Variants in RBM12 observed in about 807,000 individuals in gnomAD.
RBM12 encodes RNA-binding protein 12.
A neutral mutation model predicts 37.2 loss-of-function variants in RBM12; 24 were observed. The observed-to-expected ratio is 0.65, with a 90% CI of 0.47 to 0.91. The LOEUF (loss-of-function observed/expected upper bound fraction) is 0.91. RBM12 is among the 40% of genes least tolerant of loss of function. RBM12 has a pLI of 0.00. For missense variants in RBM12, 1,061 were observed against 1,183.2 expected, an observed-to-expected ratio of 0.90 and a Z score of 1.52; for synonymous variants, 420 against 425.2, an observed-to-expected ratio of 0.99 and a Z score of 0.15.
Position 35,654,681 on chromosome 20 carries a change from T to C in RBM12, c.642A>G (p.Val214=), listed in dbSNP as rs776949054. 10 of 1,613,272 alleles carry C rather than the reference T, an allele frequency of 6.2e-6. No individual in the cohort carries two copies. In the Admixed American group the frequency reaches 1.7e-4, roughly 27 times the overall value. Residue 214 remains valine, a synonymous_variant, in exon 3 of 3, where the codon GTA becomes GTG. Coordinates refer to ENST00000374114, the MANE Select transcript of RBM12 (RefSeq NM_006047.6). ...SIPPIPVPPP[V]PTLPPVPPVP... ...CAGGAGGCACAGGAGGCAATGTAGG[T>C]ACTGGAGGAGGAACTGGAATTGGGG... is the stretch of plus-strand genomic sequence containing the variant.
Position 35,654,924 on chromosome 20 carries a change from T to A in RBM12, c.399A>T (p.Val133=), listed in dbSNP as rs1453255172. The change falls in exon 3 of 3, where the codon GTA becomes GTT. Residue 133 remains valine (V), a synonymous_variant. Transcript: ENST00000374114. The part of the protein sequence containing the change: ...VSNFNNPSPS[V]VTATTSVHES... ...CATGAACAGAAGTGGTGGCAGTAAC[T>A]ACACTGGGTGATGGATTATTAAAGT... The A allele has an allele frequency of 6.2e-7, 1 of 1,614,164 alleles. No homozygotes were observed. Among genetic ancestry groups the A allele is most frequent in the African/African-American group, 1.3e-5 (1 of 75,038 alleles).
chr20:35,657,665 T>C (rs1010711276), intron 2 of RBM12, among the ~76,000 whole-genome samples: 5 of 152,248 alleles, frequency 3.3e-5, no homozygotes, highest in Admixed American at 6.5e-5. Flanking sequence ...TGCCTCAGAT[T>C]ACCAGCTGGA....
Position 35,658,081 on chromosome 20 carries a change from T to A in RBM12, c.-23+849A>T, listed in dbSNP as rs566915196. 3.5e-3 allele frequency among the ~76,000 whole-genome samples: 536 copies of A among 151,496 alleles called. 3 individuals carry two copies. Among genetic ancestry groups the A allele is most frequent in the African/African-American group, 0.012 (506 of 41,312 alleles). ...TAAATAAATAAAACAAATAAAAATTTAAAAAAAAATTTAAAAAAGTATCTG... is the reference window on the plus strand; with the variant it reads ...TAAATAAATAAAACAAATAAAAATTAAAAAAAAAATTTAAAAAAGTATCTG... On this transcript the variant is annotated intron_variant, in intron 2 of 2. Coordinates refer to ENST00000374114, the MANE Select transcript of RBM12 (RefSeq NM_006047.6).
chr20:35,652,538 G>A lies in RBM12; in HGVS notation c.2785C>T (p.Leu929Phe). ...DRPIGSRKVKLVLG is the reference protein window; with the variant it reads ...DRPIGSRKVKFVLG ...GATGTGAATGGCTACCCTAATACAA[G>A]TTTTACTTTTCTTGAACCTATAGGC... The change falls in exon 3 of 3, where the codon CTT becomes TTT. Residue 929 changes from leucine to phenylalanine, a missense_variant. Transcript: ENST00000374114. 2 of 1,610,920 alleles carry A rather than the reference G, an allele frequency of 1.2e-6. No individual in the cohort carries two copies. The highest frequency in any genetic ancestry group is 1.7e-6 in the Non-Finnish European group (2 of 1,179,086).
In RBM12 at chr20:35,661,819, T is replaced by C. The variant is rs147922804; in HGVS notation, c.-107-2805A>G. 7.9e-5 allele frequency among the ~76,000 whole-genome samples: 12 copies of C among 152,324 alleles called. No homozygotes were observed. The East Asian group carries it at 2.1e-3, about 27-fold the overall frequency. ...TCATCTGGTAGTAAACATCCAAAAG[T>C]GAACTTTAACTTTGTTCAGTTATCA... is the stretch of plus-strand genomic sequence containing the variant. On this transcript the variant is annotated intron_variant, in intron 1 of 2. Transcript: ENST00000374114.
intron 2 of RBM12, among the ~76,000 whole-genome samples, chr20:35,657,818 T>G (rs1212079019): frequency 6.6e-6 from 1 of 152,126 alleles, no homozygotes; most frequent in Non-Finnish European, 1.5e-5. Flanking sequence ...CCCAGCACTT[T>G]GGGAGGATGA....
At chr20:35,657,156 C>T (rs1319123241) in intron 2 of RBM12, among the ~76,000 whole-genome samples, 1 of 152,078 alleles carries the variant, frequency 6.6e-6, no homozygotes, top group Non-Finnish European at 1.5e-5. Flanking sequence ...TTTGTGAGGC[C>T]ATTATAAAGC....
At position 35,653,437 on chromosome 20, in the gene RBM12, T is replaced by C; in HGVS notation, c.1886A>G (p.Lys629Arg). 6.2e-7 allele frequency: 1 copy of C among 1,614,130 alleles called. No homozygotes were observed. Among genetic ancestry groups the C allele is most frequent in the Non-Finnish European group, 8.5e-7 (1 of 1,179,994 alleles). The part of the protein sequence containing the change: ...VTLEDMREIE[K>R]NPPAQGKKGL... ...CTTTTTTCCTTGGGCAGGGGGATTT[T>C]TCTCAATCTCTCTCATATCTTCTAG... is the stretch of plus-strand genomic sequence containing the variant. The change falls in exon 3 of 3, where the codon AAA (lysine) becomes AGA (arginine). Residue 629 changes from lysine to arginine, a missense_variant. Coordinates refer to ENST00000374114, the MANE Select transcript of RBM12 (RefSeq NM_006047.6).
Position 35,651,939 on chromosome 20 carries a change from T to C in RBM12, c.*585A>G, listed in dbSNP as rs1017919286. The C allele has an allele frequency of 7.9e-5, 12 of 152,514 alleles. No individual in the cohort carries two copies. The highest frequency in any genetic ancestry group is 2.9e-4 in the African/African-American group (12 of 41,434). The allele number at this position is 152,514 out of a possible 1,614,324, so 9.4% of individuals were successfully genotyped here. Reference sequence around the variant, plus strand: ...TCTGCTCATTTACAAATGAGTCAATTAGACAAACAAAGCAGCAACTTCTGA... The same window carrying C: ...TCTGCTCATTTACAAATGAGTCAATCAGACAAACAAAGCAGCAACTTCTGA... On this transcript the variant is annotated 3_prime_UTR_variant, in exon 3 of 3. Transcript: ENST00000374114.
intron 1 of RBM12, among the ~76,000 whole-genome samples, chr20:35,659,566 A>G (rs935081639): frequency 5.3e-5 from 8 of 152,242 alleles, no homozygotes. Context: ...TGCTATAAGG[A>G]CTAATTCCAC....
In RBM12 at chr20:35,652,524, C is replaced by T. The variant is rs1568932841; in HGVS notation, c.2799G>A (p.Ter933=). 4 of 1,605,804 alleles carry T rather than the reference C, an allele frequency of 2.5e-6. No homozygotes were observed. The highest frequency in any genetic ancestry group is 3.4e-6 in the Non-Finnish European group (4 of 1,177,118). The part of the protein sequence containing the change: ...GSRKVKLVLG[*] Reference sequence around the variant, plus strand: ...ACCCTATAAAAAATGATGTGAATGGCTACCCTAATACAAGTTTTACTTTTC... The same window carrying T: ...ACCCTATAAAAAATGATGTGAATGGTTACCCTAATACAAGTTTTACTTTTC... The change falls in exon 3 of 3, where the codon TAG becomes TAA. Residue 933 remains the stop codon, a stop_retained_variant. Coordinates refer to ENST00000374114, the MANE Select transcript of RBM12 (RefSeq NM_006047.6).
At position 35,652,773 on chromosome 20, in the gene RBM12, A is replaced by C. The variant is rs775868881; in HGVS notation, c.2550T>G (p.Ser850=). 3 of 1,612,084 alleles carry C rather than the reference A, an allele frequency of 1.9e-6. No homozygotes were observed. The South Asian group carries it at 3.3e-5, about 18-fold the overall frequency. The part of the protein sequence containing the change: ...IGGPPGFASS[S]GKPGPTVIKV... The stretch of plus-strand genomic sequence containing the variant: ...TAATTACTGTCGGTCCTGGTTTTCC[A>C]GAACTAGATGCAAAGCCAGGGGGAC... The change falls in exon 3 of 3, where the codon TCT becomes TCG. Residue 850 remains serine (S), a synonymous_variant. Transcript: ENST00000374114.
Position 35,653,375 on chromosome 20 carries a change from G to A in RBM12, c.1948C>T (p.Pro650Ser), listed in dbSNP as rs758887714. 1.9e-6 allele frequency: 3 copies of A among 1,614,082 alleles called. No homozygotes were observed. Among genetic ancestry groups the A allele is most frequent in the Non-Finnish European group, 2.5e-6 (3 of 1,179,976 alleles). Residue 650 changes from proline to serine, a missense_variant, in exon 3 of 3, where the codon CCA becomes TCA. Physicochemically the swap from Pro to Ser is moderately conservative, Grantham distance 74. Transcript: ENST00000374114. ...GGCAGTCCCGCATTGGGCATTCCTG[G>A]AACTGCAGGATTACCTGGCACAGGC... Reference protein sequence around the residue: ...KMPVPGNPAVPGMPNAGLPGV... With the variant: ...KMPVPGNPAVSGMPNAGLPGV...
chr20:35,654,800 C>T lies in RBM12; in HGVS notation c.523G>A (p.Val175Ile). 6.2e-7 allele frequency: 1 copy of T among 1,614,186 alleles called. No homozygotes were observed. The highest frequency in any genetic ancestry group is 8.5e-7 in the Non-Finnish European group (1 of 1,180,014). ...TTCATTGGAGAGGCTGTGCTTGGAA[C>T]AGTTGAGCTAAACGTTGGGCTCCCA... ...SFGSPTFSST[V>I]PSTASPMNTV... Residue 175 changes from valine to isoleucine, a missense_variant, in exon 3 of 3, where the codon GTT (valine) becomes ATT (isoleucine). Transcript: ENST00000374114.
Position 35,654,403 on chromosome 20 carries a change from C to T in RBM12, c.920G>A (p.Ser307Asn), listed in dbSNP as rs565214968. 3 of 1,614,216 alleles carry T rather than the reference C, an allele frequency of 1.9e-6. No individual in the cohort carries two copies. The highest frequency in any genetic ancestry group is 2.5e-6 in the Non-Finnish European group (3 of 1,180,034). The change falls in exon 3 of 3, where the codon AGT becomes AAT. Residue 307 changes from serine (S) to asparagine (N), a missense_variant. This residue lies in a region of RBM12 where 540 missense variants were observed against 632.7 expected (regional missense o/e 0.85). Coordinates refer to ENST00000374114, the MANE Select transcript of RBM12 (RefSeq NM_006047.6). ...LPINPDDLYV[S>N]VHGMPFSAME... Reference sequence around the variant, plus strand: ...TGCAGAAAAGGGCATTCCATGCACACTGACATACAGATCATCAGGGTTGAT... The same window carrying T: ...TGCAGAAAAGGGCATTCCATGCACATTGACATACAGATCATCAGGGTTGAT...
chr20:35,654,917 C>T lies in RBM12; in HGVS notation c.406G>A (p.Ala136Thr), dbSNP rs1289427716. 11 of 1,614,034 alleles carry T rather than the reference C, an allele frequency of 6.8e-6. No homozygotes were observed. The highest frequency in any genetic ancestry group is 9.3e-6 in the Non-Finnish European group (11 of 1,179,990). The stretch of plus-strand genomic sequence containing the variant: ...TTGCTTTCATGAACAGAAGTGGTGG[C>T]AGTAACTACACTGGGTGATGGATTA... ...FNNPSPSVVTATTSVHESNKN... is the reference protein window; with the variant it reads ...FNNPSPSVVTTTTSVHESNKN... Residue 136 changes from alanine to threonine, a missense_variant, in exon 3 of 3, where the codon GCC (alanine) becomes ACC (threonine). Around this residue, in one of 3 missense-constraint regions of RBM12, gnomAD observed 540 missense variants for 632.7 expected, o/e 0.85. Transcript: ENST00000374114.
At chr20:35,656,922 G>T (rs926566123) in intron 2 of RBM12, among the ~76,000 whole-genome samples, 1 of 150,428 alleles carries the variant, frequency 6.6e-6, no homozygotes, top group African/African-American at 2.4e-5. Flanking sequence ...GAAGGGGCAA[G>T]ATTTTCTACT....
chr20:35,657,263 T>C (rs910290799), intron 2 of RBM12, among the ~76,000 whole-genome samples: 1 of 152,240 alleles, frequency 6.6e-6, no homozygotes, highest in African/African-American at 2.4e-5. Flanking sequence ...CAACAGTCTC[T>C]TTTCTCATTT....
chr20:35,659,002 A>G lies in RBM12; in HGVS notation c.-95T>C. 3 of 717,238 alleles carry G rather than the reference A, an allele frequency of 4.2e-6. No homozygotes were observed. The South Asian group carries it at 4.4e-5, about 11-fold the overall frequency. 44.4% of individuals were successfully genotyped at this position (717,238 alleles called of 1,614,324 possible). On this transcript the variant is annotated 5_prime_UTR_variant, in exon 2 of 3. Transcript: ENST00000374114. ...TCAATCCTGTGGGCAACCAATTAAA[A>G]CCAACTTTTAGACTGCAATAGAGAA...
Sources: gnomAD v4.1 joint callset for allele counts (sites outside exome capture counted in the v4.1 genomes callset) on GRCh38, gnomAD v4.1.1 for gene constraint, gnomAD v4.1.1 regional missense constraint, MANE v1.5 for transcripts, NCBI Gene and HGNC (gene_info 2026-07-23, HGNC 2026-07-21) for gene names.